Variants in WDR88 observed in about 807,000 individuals in gnomAD.
WDR88 encodes the protein WD repeat-containing protein 88.
In WDR88, 40 loss-of-function variants were observed where a neutral mutation model predicts 46.8. The ratio of observed to expected loss-of-function variants is 0.86; its 90% CI spans 0.66 to 1.11. The LOEUF (loss-of-function observed/expected upper bound fraction) is 1.11. Ranked by LOEUF, WDR88 falls within the 50% of genes most tolerant of loss-of-function variation. The pLI is 0.00. For missense variants in WDR88, 562 were observed against 602.4 expected (o/e 0.93, Z 0.70); for synonymous variants, 235 against 240.7 (o/e 0.98, Z 0.22).
chr19:33,168,695 C>T (rs1304485805), intron 9 of WDR88, among the ~76,000 whole-genome samples: 2 of 152,104 alleles, frequency 1.3e-5, no homozygotes, highest in African/African-American at 4.8e-5. Flanking sequence ...TCAAAGTAAT[C>T]TACAGATTCT....
chr19:33,160,544 T>A, intron 8 of WDR88, 48 bp downstream of exon 8: 1 of 1,597,226 alleles, frequency 6.3e-7, no homozygotes, highest in Non-Finnish European at 8.6e-7. Flanking sequence ...CCCTCCCGAG[T>A]CCTTCCTGTG....
intron 6 of WDR88, among the ~76,000 whole-genome samples, chr19:33,153,380 A>C (rs543835599): frequency 6.6e-6 from 1 of 150,862 alleles, no homozygotes; most frequent in South Asian, 2.1e-4. Context: ...TTAATTCTTT[A>C]CTCTGTATAC....
intron 9 of WDR88, among the ~76,000 whole-genome samples, chr19:33,168,872 A>G (rs1973994439): frequency 6.6e-6 from 1 of 152,214 alleles, no homozygotes; most frequent in Admixed American, 6.6e-5. Context: ...AGTTACTACA[A>G]GTCTACAGTA....
chr19:33,157,856 C>A (rs528878100), intron 7 of WDR88, among the ~76,000 whole-genome samples: 40 of 151,292 alleles, frequency 2.6e-4, no homozygotes, highest in African/African-American at 9.2e-4. Context: ...AGGGAAGACT[C>A]CCATTGGCTC....
intron 7 of WDR88, 101 bp from the exon 8 acceptor site, chr19:33,160,309 AGAGT>A: frequency 9.1e-7 from 1 of 1,100,644 alleles, no homozygotes; most frequent in Admixed American, 1.8e-5. Context: ...CAGTGTTGTC[AGAGT>A]GAGATGAGGT....
At chr19:33,133,793 C>A (rs1426752016) in intron 1 of WDR88, among the ~76,000 whole-genome samples, 2 of 152,172 alleles carry the variant, frequency 1.3e-5, no homozygotes, top group African/African-American at 2.4e-5. Context: ...GGGATCTTGG[C>A]GGTTCCCTGC....
chr19:33,134,222 G>C (rs1462895046), intron 1 of WDR88, among the ~76,000 whole-genome samples: 1 of 152,178 alleles, frequency 6.6e-6, no homozygotes, highest in Non-Finnish European at 1.5e-5. Context: ...TGAAACGAGA[G>C]CCCCAGAAAA....
intron 2 of WDR88, among the ~76,000 whole-genome samples, chr19:33,144,602 G>A (rs533881268): frequency 3.7e-4 from 56 of 152,348 alleles, no homozygotes; most frequent in Non-Finnish European, 6.9e-4. Context: ...TCCACCTGGT[G>A]TCTGGAATTG....
At chr19:33,132,721 C>A (rs1196933822) in intron 1 of WDR88, among the ~76,000 whole-genome samples, 2 of 152,236 alleles carry the variant, frequency 1.3e-5, no homozygotes, top group African/African-American at 4.8e-5. Flanking sequence ...CACCATGTGA[C>A]CCCATCTAGA....
intron 1 of WDR88, 37 bp downstream of exon 1, chr19:33,132,482 G>T (rs775671200): frequency 1.9e-6 from 3 of 1,604,344 alleles, no homozygotes; most frequent in African/African-American, 1.3e-5. Flanking sequence ...GCACTGGCCT[G>T]TTCCCCACAC....
At chr19:33,158,960 A>T (rs1465030340) in intron 7 of WDR88, among the ~76,000 whole-genome samples, 1 of 152,030 alleles carries the variant, frequency 6.6e-6, no homozygotes, top group Non-Finnish European at 1.5e-5. Flanking sequence ...TCAGCCTCCC[A>T]AAGTGCTGGG....
intron 10 of WDR88, chr19:33,174,602 T>C (rs1235646346): frequency 8.1e-6 from 8 of 984,398 alleles, no homozygotes; most frequent in Non-Finnish European, 9.6e-6. Flanking sequence ...AGCACCTGCA[T>C]CAATCTGCTT....
At chr19:33,157,498 AAT>A (rs1336955112) in intron 7 of WDR88, among the ~76,000 whole-genome samples, 9 of 133,648 alleles carry the variant, frequency 6.7e-5, no homozygotes, top group Non-Finnish European at 9.2e-5. Flanking sequence ...ACTCTGTCTC[AAT>A]ATATATATAT....
intron 2 of WDR88, 85 bp downstream of exon 2, chr19:33,137,872 A>C (rs1490070655): frequency 1.8e-6 from 2 of 1,104,164 alleles, no homozygotes; most frequent in Non-Finnish European, 2.6e-6. Flanking sequence ...CCAGCACTGA[A>C]CTCACAGGCA....
chr19:33,148,657 T>G, intron 4 of WDR88, 115 bp from the exon 5 acceptor site: 2 of 1,292,832 alleles, frequency 1.5e-6, no homozygotes, highest in Non-Finnish European at 1.1e-6. Context: ...CAGGCTAGTC[T>G]CAGGCTCCTG....
chr19:33,163,356 C>T (rs1052433736), intron 8 of WDR88, among the ~76,000 whole-genome samples: 2 of 151,056 alleles, frequency 1.3e-5, no homozygotes, highest in Admixed American at 1.3e-4. Context: ...ATTAGCTGGG[C>T]ATGGTGATGG....
intron 9 of WDR88, among the ~76,000 whole-genome samples, chr19:33,166,860 G>A (rs752862849): frequency 6.6e-6 from 1 of 152,138 alleles, no homozygotes; most frequent in East Asian, 1.9e-4. Flanking sequence ...AGGCTGCAGT[G>A]AGCCACAATC....
chr19:33,141,237 TTTTC>T lies in WDR88; in HGVS notation c.387+3454_387+3457del, dbSNP rs1392456209. ...CAGGTGTGGGAGCATGTTTTTTTTTTTTTCTTTTTTGACACAGGATCTCACTCTG... is the reference window on the plus strand; with the variant it reads ...CAGGTGTGGGAGCATGTTTTTTTTTTTTTTTTGACACAGGATCTCACTCTG... On this transcript the variant is annotated intron_variant, in intron 2 of 10. Coordinates refer to ENST00000355868, the MANE Select transcript of WDR88 (RefSeq NM_173479.4). Among the ~76,000 whole-genome samples the T allele has an allele frequency of 2.7e-4, 39 of 143,534 alleles. 5 individuals carry two copies. The highest frequency in any genetic ancestry group is 1.1e-3 in the African/African-American group (38 of 35,682). 94.2% of individuals were successfully genotyped at this position (143,534 alleles called of 152,430 possible). A position where few individuals can be genotyped will look rare whatever the true frequency, so the allele number is the denominator to read the frequency against.
Position 33,160,486 on chromosome 19 carries a change from T to C in WDR88, c.1070T>C (p.Leu357Pro). Residue 357 changes from leucine (L) to proline (P), a missense_variant, in exon 8 of 11, where the codon CTC (leucine) becomes CCC (proline). Physicochemically the swap from Leu to Pro is moderately conservative, Grantham distance 98 (BLOSUM62 -3). Coordinates refer to ENST00000355868, the MANE Select transcript of WDR88 (RefSeq NM_173479.4). ...GATGTAGCAGAAGGCTACCGGAAGCTCTCTTTGAAGGTACATGTGGCCAGC... is the reference window on the plus strand; with the variant it reads ...GATGTAGCAGAAGGCTACCGGAAGCCCTCTTTGAAGGTACATGTGGCCAGC... ...IWDVAEGYRK[L>P]SLKGHNDWVM... is the part of the protein sequence containing the mutation. The C allele has an allele frequency of 6.2e-7, 1 of 1,614,146 alleles. No individual in the cohort carries two copies. The highest frequency in any genetic ancestry group is 8.5e-7 in the Non-Finnish European group (1 of 1,180,018).
Sources: gnomAD v4.1 joint callset for allele counts (sites outside exome capture counted in the v4.1 genomes callset) on GRCh38, gnomAD v4.1.1 for gene constraint, MANE v1.5 for transcripts, NCBI Gene and HGNC (gene_info 2026-07-23, HGNC 2026-07-21) for gene names.